PRKACB: variants seen among roughly 807,000 people sequenced by gnomAD.
PRKACB encodes the protein cAMP-dependent protein kinase catalytic subunit beta.
Under a neutral mutation model 51.4 loss-of-function variants are expected in PRKACB, and 16 were observed. The observed-to-expected ratio is 0.31, with a 90% CI of 0.21 to 0.47. The LOEUF (loss-of-function observed/expected upper bound fraction) is 0.47. Ranked by LOEUF, PRKACB falls within the 20% of genes least tolerant of loss-of-function variation. PRKACB has a pLI of 1.00. For synonymous variants in PRKACB, 147 were observed against 154.4 expected, an observed-to-expected ratio of 0.95 and a Z score of 0.35; for missense variants, 309 against 464.5, an observed-to-expected ratio of 0.67 and a Z score of 3.08.
intron 5 of PRKACB, among the ~76,000 whole-genome samples, chr1:84,195,581 G>A (rs534483790): frequency 1.3e-5 from 2 of 152,212 alleles, no homozygotes; most frequent in African/African-American, 4.8e-5. Flanking sequence ...TTCAGATTCT[G>A]ACATCAAAAT....
chr1:84,117,149 A>C (rs138079373), intron 1 of PRKACB, among the ~76,000 whole-genome samples: 173 of 152,028 alleles, frequency 1.1e-3, no homozygotes, highest in African/African-American at 4.0e-3. Flanking sequence ...GCATTCCCGG[A>C]ATGAATCCCA....
intron 1 of PRKACB, among the ~76,000 whole-genome samples, chr1:84,166,934 A>G (rs1196439528): frequency 6.6e-6 from 1 of 151,538 alleles, no homozygotes; most frequent in African/African-American, 2.4e-5. Context: ...TTCTTTTATC[A>G]TCCCTAAATC....
intron 9 of PRKACB, among the ~76,000 whole-genome samples, chr1:84,228,514 T>C (rs943818530): frequency 2.4e-5 from 1 of 42,026 alleles, no homozygotes; most frequent in African/African-American, 4.7e-5. Context: ...GTGCAGATTA[T>C]GATTTTTTTT....
intron 1 of PRKACB, among the ~76,000 whole-genome samples, chr1:84,099,415 GTATT>G (rs778010706): frequency 9.9e-5 from 15 of 151,970 alleles, no homozygotes; most frequent in African/African-American, 3.6e-4. Context: ...GTTTAAATAT[GTATT>G]TATTTTTGAA....
At chr1:84,178,316 A>T (rs1558128723) in intron 1 of PRKACB, among the ~76,000 whole-genome samples, 2 of 152,012 alleles carry the variant, frequency 1.3e-5, no homozygotes, top group Non-Finnish European at 2.9e-5. Flanking sequence ...ATGCTATTTT[A>T]TCTCTTTGGA....
chr1:84,105,929 A>G (rs965850715), intron 1 of PRKACB, among the ~76,000 whole-genome samples: 1 of 152,138 alleles, frequency 6.6e-6, no homozygotes, highest in Non-Finnish European at 1.5e-5. Flanking sequence ...GATTCAAACA[A>G]TCAAGGATTC....
intron 1 of PRKACB, among the ~76,000 whole-genome samples, chr1:84,130,185 G>A (rs1418375034): frequency 4.8e-5 from 4 of 83,910 alleles, no homozygotes; most frequent in South Asian, 4.2e-4. Context: ...GCGAGACTCC[G>A]TCTCAAAAAA....
chr1:84,216,704 G>A (rs1044580782), intron 9 of PRKACB, among the ~76,000 whole-genome samples: 1 of 152,092 alleles, frequency 6.6e-6, no homozygotes, highest in African/African-American at 2.4e-5. Flanking sequence ...TGTGAAATAA[G>A]TGATACCATT....
intron 5 of PRKACB, among the ~76,000 whole-genome samples, chr1:84,191,170 C>T (rs1666681397): frequency 6.6e-6 from 1 of 152,018 alleles, no homozygotes. Context: ...TCTTTCATTT[C>T]CATGTTTAGG....
At chr1:84,228,901 T>G (rs2101676762) in intron 9 of PRKACB, among the ~76,000 whole-genome samples, 1 of 152,190 alleles carries the variant, frequency 6.6e-6, no homozygotes, top group Middle Eastern at 3.4e-3. Flanking sequence ...AGGATTTTGA[T>G]GCCAACAGTT....
In PRKACB at chr1:84,198,088, C is replaced by T. The variant is rs578037002; in HGVS notation, c.783+264C>T. On this transcript the variant is annotated intron_variant, in intron 7 of 9. Transcript: ENST00000370685. ...TAGATCCATGTTTTGCAACCAAAAA[C>T]ATAGTCTTTTCTTAATTATTCCTAG... Among the ~76,000 whole-genome samples the T allele has an allele frequency of 1.4e-3, 218 of 152,164 alleles. 1 individual carries two copies. The highest frequency in any genetic ancestry group is 4.8e-3 in the African/African-American group (199 of 41,554).
chr1:84,087,877 A>G (rs1328965942), intron 1 of PRKACB, among the ~76,000 whole-genome samples: 2 of 152,192 alleles, frequency 1.3e-5, no homozygotes, highest in African/African-American at 4.8e-5. Context: ...GCTATAATTA[A>G]TTTATTCATT....
chr1:84,096,582 A>G (rs10493750), intron 1 of PRKACB, among the ~76,000 whole-genome samples: 61,772 of 152,008 alleles, frequency 0.41, 13,279 homozygotes, highest in Non-Finnish European at 0.49. Flanking sequence ...ATCATTTCCC[A>G]TCTTTTCAGG....
intron 1 of PRKACB, chr1:84,086,264 C>G: frequency 7.2e-7 from 1 of 1,386,266 alleles, no homozygotes; most frequent in African/African-American, 1.4e-5. Context: ...TTCCCTTGCC[C>G]CCATGGGACC....
chr1:84,215,686 A>C (rs1672780307), intron 9 of PRKACB, among the ~76,000 whole-genome samples: 1 of 152,180 alleles, frequency 6.6e-6, no homozygotes, highest in South Asian at 2.1e-4. Context: ...ACAAGTTGCC[A>C]GTATGACAGT....
intron 1 of PRKACB, among the ~76,000 whole-genome samples, chr1:84,118,792 T>G (rs1650829781): frequency 6.6e-6 from 1 of 152,092 alleles, no homozygotes; most frequent in Non-Finnish European, 1.5e-5. Context: ...ATTTACTTCT[T>G]CAGTTGAGGA....
At chr1:84,186,023 TG>T (rs1664988609) in intron 5 of PRKACB, among the ~76,000 whole-genome samples, 1 of 152,110 alleles carries the variant, frequency 6.6e-6, no homozygotes, top group African/African-American at 2.4e-5. Flanking sequence ...TATGTTTATT[TG>T]TTTTGAAACA....
intron 1 of PRKACB, among the ~76,000 whole-genome samples, chr1:84,174,338 A>G (rs1660530409): frequency 6.6e-6 from 1 of 151,756 alleles, no homozygotes; most frequent in African/African-American, 2.4e-5. Context: ...ATTCAGCACA[A>G]ATGCTGTATT....
At chr1:84,145,308 C>T (rs953405511) in intron 1 of PRKACB, among the ~76,000 whole-genome samples, 2 of 152,050 alleles carry the variant, frequency 1.3e-5, no homozygotes, top group African/African-American at 4.8e-5. Context: ...TCACCTTGGA[C>T]CCTCCTCAAG....
Sources: gnomAD v4.1 joint callset for allele counts (sites outside exome capture counted in the v4.1 genomes callset) on GRCh38, gnomAD v4.1.1 for gene constraint, MANE v1.5 for transcripts, NCBI Gene and HGNC (gene_info 2026-07-23, HGNC 2026-07-21) for gene names.